Variants in TANK observed in about 807,000 individuals in gnomAD.
TANK encodes TRAF family member associated NFKB activator.
In TANK, 15 loss-of-function variants were observed where a neutral mutation model predicts 43.6. The observed-to-expected ratio is 0.34, with a 90% CI of 0.23 to 0.53. The LOEUF is 0.53. TANK is among the 20% of genes least tolerant of loss of function. TANK has a pLI of 0.94. For missense variants in TANK, 417 were observed against 498.6 expected (o/e 0.84, Z 1.56); for synonymous variants, 162 against 178.2 (o/e 0.91, Z 0.73).
At chr2:161,157,037 T>C (rs1260302099), upstream of TANK, among the ~76,000 whole-genome samples, 1 of 152,084 alleles carries the variant, frequency 6.6e-6, no homozygotes, top group African/African-American at 2.4e-5. Context: ...CCAAAATGGG[T>C]CATAGAGTGG....
intron 2 of TANK, among the ~76,000 whole-genome samples, chr2:161,183,829 C>G (rs914047360): frequency 6.6e-6 from 1 of 151,634 alleles, no homozygotes; most frequent in African/African-American, 2.4e-5. Flanking sequence ...AATAAAATAT[C>G]ATTTATATCA....
intron 1 of TANK, among the ~76,000 whole-genome samples, chr2:161,167,537 G>A (rs1015747044): frequency 6.6e-6 from 1 of 152,154 alleles, no homozygotes; most frequent in Non-Finnish European, 1.5e-5. Flanking sequence ...AAAGGTTGAC[G>A]ACAGCTGCCT....
chr2:161,199,289 A>G (rs1686298575), intron 2 of TANK, among the ~76,000 whole-genome samples: 1 of 151,882 alleles, frequency 6.6e-6, no homozygotes, highest in Middle Eastern at 3.2e-3. Context: ...AAATTCCTTA[A>G]TAAATCATTG....
At chr2:161,153,056 G>A (rs1209216594) in intron 1 of TANK, among the ~76,000 whole-genome samples, 3 of 152,114 alleles carry the variant, frequency 2.0e-5, no homozygotes, top group East Asian at 1.9e-4. Flanking sequence ...TAAGCTTGAT[G>A]TTAACTATCT....
chr2:161,210,297 A>G (rs1442520265), intron 4 of TANK, among the ~76,000 whole-genome samples: 1 of 152,206 alleles, frequency 6.6e-6, no homozygotes, highest in Admixed American at 6.5e-5. Flanking sequence ...TCATTTGTCA[A>G]TCACTTACAC....
chr2:161,214,145 A>G (rs1174861805), intron 4 of TANK, among the ~76,000 whole-genome samples: 5 of 152,330 alleles, frequency 3.3e-5, no homozygotes, highest in Non-Finnish European at 5.9e-5. Flanking sequence ...TTTAATTTTC[A>G]CTTGAAAGCT....
At chr2:161,139,952 T>C in intron 1 of TANK, 1 of 957,082 alleles carries the variant, frequency 1.0e-6, no homozygotes, top group South Asian at 4.8e-5. Context: ...ATTAAGAAAA[T>C]GTATGCTAAA....
chr2:161,154,525 T>G (rs1456335062), intron 1 of TANK, among the ~76,000 whole-genome samples: 1 of 152,114 alleles, frequency 6.6e-6, no homozygotes, highest in African/African-American at 2.4e-5. Context: ...GCATTGAAAC[T>G]ATGAGTTGAT....
intron 4 of TANK, among the ~76,000 whole-genome samples, chr2:161,222,047 C>T (rs1687372766): frequency 6.6e-6 from 1 of 152,070 alleles, no homozygotes; most frequent in Non-Finnish European, 1.5e-5. Context: ...ATTTACCAAG[C>T]GAGACAAAGG....
chr2:161,211,813 T>A, intron 4 of TANK: 4 of 985,414 alleles, frequency 4.1e-6, no homozygotes, highest in Non-Finnish European at 4.8e-6. Context: ...AAAAACGTGT[T>A]TGTGTGTAGT....
upstream of TANK, among the ~76,000 whole-genome samples, chr2:161,157,430 A>G (rs906758376): frequency 6.6e-6 from 1 of 152,222 alleles, no homozygotes; most frequent in Non-Finnish European, 1.5e-5. Flanking sequence ...TTCCAAGGCC[A>G]TTGTGAGTTC....
In TANK at chr2:161,235,694, G is replaced by T; in HGVS notation, c.*176G>T. 2.1e-6 allele frequency: 1 copy of T among 482,874 alleles called. No individual in the cohort carries two copies. The highest frequency in any genetic ancestry group is 3.4e-6 in the Non-Finnish European group (1 of 290,918). The allele number at this position is 482,874 out of a possible 1,614,324, so 29.9% of individuals were successfully genotyped here. ...CTCTTATTTTTTAAAAGATCATTCT[G>T]TTCTTTCAAGGAGAAATAAGCCTAA... On this transcript the variant is annotated 3_prime_UTR_variant, in exon 8 of 8. Coordinates refer to ENST00000392749, the MANE Select transcript of TANK (RefSeq NM_001199135.3).
intron 2 of TANK, 164 bp downstream of exon 2, chr2:161,179,925 GT>G (rs1249338372): frequency 5.5e-6 from 7 of 1,270,420 alleles, no homozygotes; most frequent in African/African-American, 3.1e-5. Flanking sequence ...TTTGTTTGTT[GT>G]TTTTTTTAAA....
At chr2:161,211,840 G>T (rs1434004362) in intron 4 of TANK, 2 of 985,088 alleles carry the variant, frequency 2.0e-6, no homozygotes, top group African/African-American at 3.5e-5. Flanking sequence ...GGTACTCCTT[G>T]CCTTGCAGTC....
At chr2:161,173,588 A>G (rs1367507915) in intron 1 of TANK, among the ~76,000 whole-genome samples, 1 of 151,848 alleles carries the variant, frequency 6.6e-6, no homozygotes, top group African/African-American at 2.4e-5. Context: ...GAGGTCTACA[A>G]ATGCTTATAC....
chr2:161,174,663 A>C (rs1436855899), intron 1 of TANK, among the ~76,000 whole-genome samples: 2 of 152,198 alleles, frequency 1.3e-5, no homozygotes, highest in Non-Finnish European at 2.9e-5. Context: ...CTTAATAACA[A>C]AGAAAATCAA....
At chr2:161,140,311 G>A (rs1316150300) in intron 1 of TANK, among the ~76,000 whole-genome samples, 1 of 152,022 alleles carries the variant, frequency 6.6e-6, no homozygotes, top group African/African-American at 2.4e-5. Context: ...TGGGGTTTAT[G>A]CTATTTTTCA....
At chr2:161,169,821 A>G (rs560392952) in intron 1 of TANK, among the ~76,000 whole-genome samples, 1 of 152,300 alleles carries the variant, frequency 6.6e-6, no homozygotes, top group Non-Finnish European at 1.5e-5. Flanking sequence ...GCCTTATGCA[A>G]CTTATTTACC....
At chr2:161,207,471 C>CT (rs1337969160) in intron 4 of TANK, 1 of 984,046 alleles carries the variant, frequency 1.0e-6, no homozygotes, top group Non-Finnish European at 1.2e-6. Context: ...TCAGCTTTCT[C>CT]TTTTTTTATG....
Sources: gnomAD v4.1 joint callset for allele counts (sites outside exome capture counted in the v4.1 genomes callset) on GRCh38, gnomAD v4.1.1 for gene constraint, MANE v1.5 for transcripts, NCBI Gene and HGNC (gene_info 2026-07-23, HGNC 2026-07-21) for gene names.